RND3: variants seen among roughly 807,000 people sequenced by gnomAD.
RND3 encodes rho-related GTP-binding protein RhoE.
In RND3, 8 loss-of-function variants were observed where a neutral mutation model predicts 26.5. The observed-to-expected ratio is 0.30, with a 90% confidence interval of 0.18 to 0.54. The LOEUF (loss-of-function observed/expected upper bound fraction) is 0.54, where lower values mean the gene tolerates loss of function less well. RND3 is among the 20% of genes least tolerant of loss of function. RND3 has a pLI of 0.94. For missense variants in RND3, 207 were observed against 302.8 expected (o/e 0.68, Z 2.35); for synonymous variants, 113 against 113.0 (o/e 1.00, Z 0.00).
At chr2:150,483,669 G>A (rs1686312542) in intron 3 of RND3, among the ~76,000 whole-genome samples, 1 of 152,154 alleles carries the variant, frequency 6.6e-6, no homozygotes, top group African/African-American at 2.4e-5. Context: ...GGAATTAAAT[G>A]GAAAAATGTT....
chr2:150,475,033 C>G (rs760617951), intron 3 of RND3, 49 bp from the exon 4 acceptor site: 2 of 1,158,670 alleles, frequency 1.7e-6, no homozygotes, highest in South Asian at 2.5e-5. Context: ...GTCCCCTTGT[C>G]TGTCATGCAT....
chr2:150,474,910 T>C lies in RND3; in HGVS notation c.313A>G (p.Ser105Gly). 1 of 1,612,928 alleles carries C rather than the reference T, an allele frequency of 6.2e-7. No homozygotes were observed. Among genetic ancestry groups the C allele is most frequent in the Non-Finnish European group, 8.5e-7 (1 of 1,179,026 alleles). ...ACACTGTCCAGGGTCTCTGGTCTACTGATGTCAAAGCAAATCAGCACAGCA... is the reference window on the plus strand; with the variant it reads ...ACACTGTCCAGGGTCTCTGGTCTACCGATGTCAAAGCAAATCAGCACAGCA... Reference protein sequence around the residue: ...SDAVLICFDISRPETLDSVLK... With the variant: ...SDAVLICFDIGRPETLDSVLK... The change falls in exon 4 of 6, where the codon AGT (serine) becomes GGT (glycine). Residue 105 changes from serine (S) to glycine (G), a missense_variant. Ser to Gly is a moderately conservative substitution (Grantham distance 56, BLOSUM62 0). Coordinates refer to ENST00000263895, the MANE Select transcript of RND3 (RefSeq NM_005168.5).
chr2:150,470,677 A>G (rs926848689), intron 5 of RND3, among the ~76,000 whole-genome samples: 15 of 152,204 alleles, frequency 9.9e-5, no homozygotes, highest in African/African-American at 3.4e-4. Flanking sequence ...GGAATGGCGC[A>G]GAGAAGCTTA....
chr2:150,478,133 A>T (rs1686197993), intron 3 of RND3, among the ~76,000 whole-genome samples: 1 of 152,136 alleles, frequency 6.6e-6, no homozygotes, highest in African/African-American at 2.4e-5. Flanking sequence ...ATATAGAATT[A>T]TCAAGAACTG....
At position 150,487,281 on chromosome 2, in the gene RND3, T is replaced by C; in HGVS notation, c.137A>G (p.Asp46Gly). 2.5e-6 allele frequency: 4 copies of C among 1,595,656 alleles called. No individual in the cohort carries two copies. Among genetic ancestry groups the C allele is most frequent in the Non-Finnish European group, 3.4e-6 (4 of 1,171,012 alleles). ...GGCCACACTCACCTCGGGGAAGCAG[T>C]CCTTGGCGAAGACATGGAGCAGCGC... is the stretch of plus-strand genomic sequence containing the variant. ...KTALLHVFAK[D>G]CFPENYVPTV... The change falls in exon 2 of 6, where the codon GAC becomes GGC. Residue 46 changes from aspartate (D) to glycine (G), a missense_variant. Coordinates refer to ENST00000263895, the MANE Select transcript of RND3 (RefSeq NM_005168.5).
chr2:150,470,149 G>A lies in RND3; in HGVS notation c.573C>T (p.His191=), dbSNP rs141846981. 2.5e-4 allele frequency: 402 copies of A among 1,613,818 alleles called. No homozygotes were observed. The highest frequency in any genetic ancestry group is 3.1e-4 in the Non-Finnish European group (363 of 1,179,916). Residue 191 remains histidine (H), a synonymous_variant, in exon 6 of 6, where the codon CAC becomes CAT. Coordinates refer to ENST00000263895, the MANE Select transcript of RND3 (RefSeq NM_005168.5). ...QSENSVRDIF[H]VATLACVNKT... ...TATTTACACATGCCAAGGTGGCAAC[G>A]TGAAAAATGTCTCTGACGCTATTTT...
At chr2:150,477,273 G>T (rs993235089) in intron 3 of RND3, among the ~76,000 whole-genome samples, 1 of 152,146 alleles carries the variant, frequency 6.6e-6, no homozygotes, top group Non-Finnish European at 1.5e-5. Context: ...GTGCCTACCA[G>T]CTCCTTTCAG....
Position 150,471,642 on chromosome 2 carries a change from T to C in RND3, c.468A>G (p.Pro156=). The change falls in exon 5 of 6, where the codon CCA becomes CCG. Residue 156 remains proline, a synonymous_variant. Coordinates refer to ENST00000263895, the MANE Select transcript of RND3 (RefSeq NM_005168.5). ...LVELSNHRQT[P]VSYDQGANMA... ...ACATACATACCTGGTCATAGGACAC[T>C]GGCGTCTGCCTGTGATTGGAGAGCT... 6.2e-7 allele frequency: 1 copy of C among 1,612,118 alleles called. No homozygotes were observed. Among genetic ancestry groups the C allele is most frequent in the Non-Finnish European group, 8.5e-7 (1 of 1,179,166 alleles).
At chr2:150,487,684 T>G (rs1686411919), upstream of RND3, 1 of 152,958 alleles carries the variant, frequency 6.5e-6, no homozygotes, top group Non-Finnish European at 1.5e-5. Flanking sequence ...TCACGCTCTC[T>G]GCGCGGCTTT....
At position 150,469,152 on chromosome 2, in the gene RND3, C is replaced by T. The variant is rs890697399; in HGVS notation, c.*835G>A. On this transcript the variant is annotated 3_prime_UTR_variant, in exon 6 of 6. Transcript: ENST00000263895. ...ATTCTATGACATCAAACCAAGACAC[C>T]TTTTATTTGACTTTGCATTTTTATC... 8 of 152,518 alleles carry T rather than the reference C, an allele frequency of 5.2e-5. No homozygotes were observed. Among genetic ancestry groups the T allele is most frequent in the African/African-American group, 1.9e-4 (8 of 41,420 alleles). The allele number at this position is 152,518 out of a possible 1,614,324, so 9.4% of individuals were successfully genotyped here. A position where few individuals can be genotyped will look rare whatever the true frequency, so the allele number is the denominator to read the frequency against.
At position 150,469,640 on chromosome 2, in the gene RND3, T is replaced by TAAC. The variant is rs1553460838; in HGVS notation, c.*344_*346dup. On this transcript the variant is annotated 3_prime_UTR_variant, in exon 6 of 6. Coordinates refer to ENST00000263895, the MANE Select transcript of RND3 (RefSeq NM_005168.5). ...AAAGTGGAGATCCATGAATAGATTA[T>TAAC]AACAAAAAAAAAAAACCCAAAAATG... is the stretch of plus-strand genomic sequence containing the variant. The TAAC allele has an allele frequency of 1.9e-4, 14 of 74,648 alleles. No homozygotes were observed. Among genetic ancestry groups the TAAC allele is most frequent in the African/African-American group, 1.1e-3 (5 of 4,406 alleles). 4.6% of individuals were successfully genotyped at this position (74,648 alleles called of 1,614,324 possible).
At chr2:150,485,122 C>G (rs185794231) in intron 3 of RND3, among the ~76,000 whole-genome samples, 1 of 152,324 alleles carries the variant, frequency 6.6e-6, no homozygotes, top group African/African-American at 2.4e-5. Flanking sequence ...TGTACCATCC[C>G]CAACAGAAAA....
intron 3 of RND3, among the ~76,000 whole-genome samples, chr2:150,485,795 C>G (rs963046411): frequency 2.0e-5 from 3 of 152,108 alleles, no homozygotes; most frequent in African/African-American, 4.8e-5. Context: ...CGGGAGGGTA[C>G]CTAGCCCTCC....
intron 3 of RND3, among the ~76,000 whole-genome samples, chr2:150,482,953 A>G (rs1380977725): frequency 6.6e-6 from 1 of 152,206 alleles, no homozygotes; most frequent in Non-Finnish European, 1.5e-5. Flanking sequence ...TCTGCTTCTT[A>G]GGAGCAGGAC....
intron 3 of RND3, among the ~76,000 whole-genome samples, chr2:150,484,758 C>A (rs578124941): frequency 6.6e-6 from 1 of 152,148 alleles, no homozygotes; most frequent in Non-Finnish European, 1.5e-5. Context: ...GAAAATGAGA[C>A]CCAGGGAGAT....
chr2:150,482,876 T>C (rs577702803), intron 3 of RND3, among the ~76,000 whole-genome samples: 17 of 152,272 alleles, frequency 1.1e-4, no homozygotes, highest in Non-Finnish European at 2.1e-4. Flanking sequence ...AGGTGCATCA[T>C]GAGTTGTTAA....
Position 150,487,474 on chromosome 2 carries a change from A to AAAAAAAAATATATATATAT in RND3, c.-38-20_-38-19insATATATATATATTTTTTTT. ...ATTTTCTCTTAAGAAGAAAAAAAAA[A>AAAAAAAAATATATATATAT]ATATATATATATATATATATTTCTC... On this transcript the variant is annotated intron_variant, in intron 1 of 5. Transcript: ENST00000263895. 1.5e-3 allele frequency: 295 copies of AAAAAAAAATATATATATAT among 200,706 alleles called. No individual in the cohort carries two copies. The highest frequency in any genetic ancestry group is 2.0e-3 in the Admixed American group (28 of 13,808). The allele number at this position is 200,706 out of a possible 1,614,324, so 12.4% of individuals were successfully genotyped here.
intron 5 of RND3, among the ~76,000 whole-genome samples, chr2:150,470,565 C>T (rs769597086): frequency 2.6e-5 from 4 of 152,088 alleles, no homozygotes; most frequent in Non-Finnish European, 4.4e-5. Context: ...TGAGGTGATT[C>T]AAAGAAGTGT....
chr2:150,476,141 A>C (rs149533620), intron 3 of RND3, among the ~76,000 whole-genome samples: 1 of 152,350 alleles, frequency 6.6e-6, no homozygotes, highest in Non-Finnish European at 1.5e-5. Flanking sequence ...GAAAAAGAAA[A>C]TCTAAACCAC....
Sources: allele counts gnomAD v4.1 joint callset (sites outside exome capture counted in the v4.1 genomes callset), GRCh38; gene constraint gnomAD v4.1.1; transcripts MANE v1.5; gene names NCBI Gene and HGNC (gene_info 2026-07-23, HGNC 2026-07-21).